NSFL1C: variants seen among roughly 807,000 people sequenced by gnomAD.
NSFL1C encodes the protein NSFL1 cofactor p47.
In NSFL1C, 14 loss-of-function variants were observed where a neutral mutation model predicts 43.1. The observed-to-expected ratio is 0.32, with a 90% CI of 0.21 to 0.51. The LOEUF (loss-of-function observed/expected upper bound fraction) is 0.51, where lower values mean the gene tolerates loss of function less well. Among genes scored for constraint, NSFL1C ranks in the 20% least tolerant of loss-of-function variants. The probability of loss-of-function intolerance (pLI) is 0.98; values close to 1 mark genes in which losing one functional copy is unlikely to be tolerated. For synonymous variants in NSFL1C, 171 were observed against 183.5 expected, an observed-to-expected ratio of 0.93 and a Z score of 0.55; for missense variants, 406 against 472.5, an observed-to-expected ratio of 0.86 and a Z score of 1.30.
chr20:1,466,701 G>T lies in NSFL1C; in HGVS notation c.105+19C>A. The stretch of plus-strand genomic sequence containing the variant: ...AGCAGTCCCCGGCCCACCCGACACA[G>T]CCCGCCGCGCGGCGCTACCTGCAAG... On this transcript the variant is annotated intron_variant, in intron 1 of 8. Transcript: ENST00000216879. 1 of 1,535,472 alleles carries T rather than the reference G, an allele frequency of 6.5e-7. No homozygotes were observed.
Position 1,442,819 on chromosome 20 carries a change from T to C in NSFL1C, c.*930A>G, listed in dbSNP as rs1438761547. ...TGTAGCACAGAAAACTCACCCCTTC[T>C]TCAACAGTTGATTTGATTTGCCACA... On this transcript the variant is annotated 3_prime_UTR_variant, in exon 9 of 9. Coordinates refer to ENST00000216879, the MANE Select transcript of NSFL1C (RefSeq NM_016143.5). 1 of 152,268 alleles carries C rather than the reference T, an allele frequency of 6.6e-6. No individual in the cohort carries two copies. The highest frequency in any genetic ancestry group is 2.4e-5 in the African/African-American group (1 of 41,476). 9.4% of individuals were successfully genotyped at this position (152,268 alleles called of 1,614,324 possible).
intron 8 of NSFL1C, among the ~76,000 whole-genome samples, chr20:1,444,696 G>A (rs2090021568): frequency 6.6e-6 from 1 of 152,222 alleles, no homozygotes; most frequent in Non-Finnish European, 1.5e-5. Flanking sequence ...AGCAAACCAA[G>A]CTTTTTCACC....
At chr20:1,460,405 T>A (rs766050663) in intron 2 of NSFL1C, among the ~76,000 whole-genome samples, 2 of 152,192 alleles carry the variant, frequency 1.3e-5, no homozygotes, top group African/African-American at 4.8e-5. Flanking sequence ...TTCCGACATA[T>A]ATTCAAGTTC....
chr20:1,456,323 C>T (rs1447763275), intron 3 of NSFL1C: 1 of 152,886 alleles, frequency 6.5e-6, no homozygotes, highest in African/African-American at 2.4e-5. Context: ...CATTCACGTA[C>T]TTGATGACAC....
chr20:1,444,495 C>T (rs1384313711), intron 8 of NSFL1C, among the ~76,000 whole-genome samples: 1 of 152,226 alleles, frequency 6.6e-6, no homozygotes, highest in African/African-American at 2.4e-5. Context: ...GGCCAGGAAT[C>T]GTTTCTCCAG....
rs200170563 is a variant in NSFL1C at position 1,464,359 on chromosome 20, G to A, written c.173C>T (p.Pro58Leu). 7 of 1,614,230 alleles carry A rather than the reference G, an allele frequency of 4.3e-6. No homozygotes were observed. Among genetic ancestry groups the A allele is most frequent in the African/African-American group, 1.3e-5 (1 of 75,056 alleles). ...GGCTGTGCCTCTGGACACTGAACTG[G>A]GGGTTGCCTGCGAAATGGTCACAAT... ...EDIVTISQAT[P>L]SSVSRGTAPS... Residue 58 changes from proline to leucine, a missense_variant, in exon 2 of 9, where the codon CCC becomes CTC. Physicochemically the swap from Pro to Leu is moderately conservative, Grantham distance 98. Coordinates refer to ENST00000216879, the MANE Select transcript of NSFL1C (RefSeq NM_016143.5).
In NSFL1C at chr20:1,442,250, C is replaced by T. The variant is rs1048442319; in HGVS notation, c.*1499G>A. 1 of 152,224 alleles carries T rather than the reference C, an allele frequency of 6.6e-6. No individual in the cohort carries two copies. Among genetic ancestry groups the T allele is most frequent in the African/African-American group, 2.4e-5 (1 of 41,444 alleles). The allele number at this position is 152,224 out of a possible 1,614,324, so 9.4% of individuals were successfully genotyped here. ...CATATGTAGGTTCCATAATCTCCAC[C>T]TGCTGGAGAAAACACCGTGACAGAT... On this transcript the variant is annotated 3_prime_UTR_variant, in exon 9 of 9. Transcript: ENST00000216879.
intron 2 of NSFL1C, 52 bp downstream of exon 2, chr20:1,464,277 C>T (rs778267935): frequency 6.6e-7 from 1 of 1,520,076 alleles, no homozygotes; most frequent in South Asian, 1.1e-5. Flanking sequence ...GAAAATAGCT[C>T]CTCTTCACTG....
intron 7 of NSFL1C, among the ~76,000 whole-genome samples, chr20:1,447,646 A>G (rs1393586373): frequency 6.6e-6 from 1 of 152,200 alleles, no homozygotes; most frequent in African/African-American, 2.4e-5. Flanking sequence ...ACTATTTATA[A>G]TAATTCAAAG....
At chr20:1,464,232 C>T in intron 2 of NSFL1C, 97 bp downstream of exon 2, 1 of 1,006,774 alleles carries the variant, frequency 9.9e-7, no homozygotes, top group Non-Finnish European at 1.6e-6. Context: ...TCATTCAGAC[C>T]TGGTCCACAC....
chr20:1,449,087 CT>C (rs1568616000), intron 7 of NSFL1C, among the ~76,000 whole-genome samples: 1 of 152,218 alleles, frequency 6.6e-6, no homozygotes, highest in African/African-American at 2.4e-5. Context: ...AAGGCAGAGA[CT>C]GGAGGGACCC....
chr20:1,455,315 A>T (rs2090274967), intron 3 of NSFL1C, among the ~76,000 whole-genome samples, 183 bp from the exon 4 acceptor site: 1 of 152,236 alleles, frequency 6.6e-6, no homozygotes, highest in Admixed American at 6.5e-5. Flanking sequence ...CAGCAACAGA[A>T]GTCAGTGAGG....
chr20:1,452,671 A>G (rs2090208343), intron 6 of NSFL1C, 41 bp from the exon 7 acceptor site: 1 of 1,610,692 alleles, frequency 6.2e-7, no homozygotes, highest in Non-Finnish European at 8.5e-7. Context: ...CAGAGAGAAG[A>G]TGGAAATGAC....
In NSFL1C at chr20:1,445,728, T is replaced by C; in HGVS notation, c.888A>G (p.Thr296=). ...SILIDESEPT[T]NIQIRLADGG... is the part of the protein sequence containing the mutation. ...CGTCTGCAAGCCGAATTTGGATGTTTGTGGTAGGCTCTGATTCGTCGATTA... is the reference window on the plus strand; with the variant it reads ...CGTCTGCAAGCCGAATTTGGATGTTCGTGGTAGGCTCTGATTCGTCGATTA... The change falls in exon 8 of 9, where the codon ACA becomes ACG. Residue 296 remains threonine (T), a synonymous_variant. Coordinates refer to ENST00000216879, the MANE Select transcript of NSFL1C (RefSeq NM_016143.5). The C allele has an allele frequency of 6.2e-7, 1 of 1,614,060 alleles. No homozygotes were observed.
At chr20:1,461,778 A>G (rs2090417021) in intron 2 of NSFL1C, among the ~76,000 whole-genome samples, 1 of 152,220 alleles carries the variant, frequency 6.6e-6, no homozygotes, top group African/African-American at 2.4e-5. Flanking sequence ...CCTCAGTGCT[A>G]ACAGTACTAA....
Position 1,451,949 on chromosome 20 carries a change from C to A in NSFL1C, c.785+544G>T, listed in dbSNP as rs76124236. On this transcript the variant is annotated intron_variant, in intron 7 of 8. Transcript: ENST00000216879. ...GCTGAGCTGTCATAATGGTGGCACA[C>A]CAGCCTGCAAAGGGGCAGCAAGGTT... is the stretch of plus-strand genomic sequence containing the variant. 6.3e-3 allele frequency among the ~76,000 whole-genome samples: 957 copies of A among 152,318 alleles called. 14 individuals are homozygous for A. Among genetic ancestry groups the A allele is most frequent in the African/African-American group, 0.022 (913 of 41,570 alleles).
At chr20:1,458,327 C>G (rs1264220823) in intron 2 of NSFL1C, 53 bp from the exon 3 acceptor site, 10 of 1,461,542 alleles carry the variant, frequency 6.8e-6, no homozygotes, top group Non-Finnish European at 9.6e-6. Context: ...AGAAAGGTAA[C>G]CCTCATCACC....
At chr20:1,455,674 G>A (rs776788335) in intron 3 of NSFL1C, 2 of 779,716 alleles carry the variant, frequency 2.6e-6, no homozygotes, top group Admixed American at 1.7e-5. Context: ...CACTTTCCTT[G>A]TCTTTGAAAC....
chr20:1,449,393 G>A (rs774591075), intron 7 of NSFL1C, among the ~76,000 whole-genome samples: 11 of 152,216 alleles, frequency 7.2e-5, no homozygotes, highest in South Asian at 2.1e-4. Context: ...AAGGAGGATG[G>A]GGAGTGGAAG....
Sources: allele counts gnomAD v4.1 joint callset (sites outside exome capture counted in the v4.1 genomes callset), GRCh38; gene constraint gnomAD v4.1.1; transcripts MANE v1.5; gene names NCBI Gene and HGNC (gene_info 2026-07-23, HGNC 2026-07-21).